REPS1: variants seen among roughly 807,000 people sequenced by gnomAD.
The protein encoded by REPS1 is RALBP1 associated Eps domain containing 1, also known as ralBP1-associated Eps domain-containing protein 1.
A neutral mutation model predicts 100.9 loss-of-function variants in REPS1; 39 were observed. That is an observed-to-expected ratio of 0.39 (90% CI 0.30 to 0.50). The LOEUF is 0.50. Among genes scored for constraint, REPS1 ranks in the 20% least tolerant of loss-of-function variants. The pLI, the probability that REPS1 is intolerant of heterozygous loss-of-function variation, is 0.86. For missense variants in REPS1, 821 were observed against 968.5 expected, an observed-to-expected ratio of 0.85 and a Z score of 2.02; for synonymous variants, 324 against 340.3, an observed-to-expected ratio of 0.95 and a Z score of 0.53.
At chr6:138,987,223 C>G (rs901407794) in intron 1 of REPS1, among the ~76,000 whole-genome samples, 1 of 152,246 alleles carries the variant, frequency 6.6e-6, no homozygotes, top group Non-Finnish European at 1.5e-5. Context: ...CACACATTAA[C>G]AACCTAAGAT....
intron 12 of REPS1, among the ~76,000 whole-genome samples, chr6:138,918,771 G>C (rs1316558374): frequency 6.6e-6 from 1 of 152,120 alleles, no homozygotes; most frequent in African/African-American, 2.4e-5. Context: ...TTTTTCTGCA[G>C]AGGAAACATT....
intron 7 of REPS1, 37 bp downstream of exon 7, chr6:138,943,476 C>T (rs989916250): frequency 1.5e-6 from 2 of 1,324,404 alleles, no homozygotes; most frequent in South Asian, 1.2e-5. Context: ...TCCTTGGAAG[C>T]AACCCAGTTA....
rs541220695 is a variant in REPS1, at chr6:138,912,426, G to A, written c.1971+339C>T. ...TTGGGGAAAAGTTGCAATGAGTGGA[G>A]CTATGGTAACCATGGCCTCTTATGA... On this transcript the variant is annotated intron_variant, in intron 16 of 19. Transcript: ENST00000450536. 6.4e-4 allele frequency among the ~76,000 whole-genome samples: 98 copies of A among 152,300 alleles called. 3 individuals are homozygous for A. In the South Asian group the frequency reaches 0.02, roughly 31 times the overall value.
chr6:138,959,097 T>C (rs1783577757), intron 1 of REPS1, among the ~76,000 whole-genome samples: 1 of 152,202 alleles, frequency 6.6e-6, no homozygotes, highest in Non-Finnish European at 1.5e-5. Flanking sequence ...CTGGTCTTTT[T>C]GCCAGGATAA....
chr6:138,946,391 A>G (rs903572584), intron 2 of REPS1, among the ~76,000 whole-genome samples: 2 of 152,200 alleles, frequency 1.3e-5, no homozygotes, highest in Non-Finnish European at 2.9e-5. Flanking sequence ...TTGCAGGTAA[A>G]TAAGTGATAC....
At chr6:138,970,238 G>A (rs1440418401) in intron 1 of REPS1, among the ~76,000 whole-genome samples, 2 of 152,072 alleles carry the variant, frequency 1.3e-5, no homozygotes, top group Admixed American at 6.6e-5. Context: ...AAGAGAATCT[G>A]AAGGACTTTG....
intron 1 of REPS1, among the ~76,000 whole-genome samples, chr6:138,954,346 A>G (rs563941279): frequency 2.0e-5 from 3 of 152,198 alleles, no homozygotes; most frequent in African/African-American, 7.2e-5. Flanking sequence ...GAAATGATAA[A>G]ATGTTTGAGA....
Position 138,979,197 on chromosome 6 carries a change from AC to A in REPS1, c.153+8332del, listed in dbSNP as rs1180601921. 5.6e-3 allele frequency among the ~76,000 whole-genome samples: 687 copies of A among 121,892 alleles called. 29 individuals carry two copies. Among genetic ancestry groups the A allele is most frequent in the Middle Eastern group, 0.011 (3 of 262 alleles). The allele number at this position is 121,892 out of a possible 152,430, so 80.0% of individuals were successfully genotyped here. ...ATCCATCACAAAAAAAAAAAAAAAA[AC>A]AAAAAAAAAAAACTGAAGAAGTATC... On this transcript the variant is annotated intron_variant, in intron 1 of 19. Coordinates refer to ENST00000450536, the MANE Select transcript of REPS1 (RefSeq NM_001286611.2).
chr6:138,926,558 G>GT, intron 9 of REPS1, 77 bp from the exon 10 acceptor site: 1 of 981,164 alleles, frequency 1.0e-6, no homozygotes, highest in Non-Finnish European at 1.6e-6. Flanking sequence ...ATTTAGCAAA[G>GT]TAATTCAGAG....
At position 138,904,254 on chromosome 6, in the gene REPS1, A is replaced by C. The variant is rs1016883852; in HGVS notation, c.*810T>G. On this transcript the variant is annotated 3_prime_UTR_variant, in exon 20 of 20. Transcript: ENST00000450536. ...AATAGGAAAAACTTGTCTGTATAGC[A>C]AAAGAATGAGTGACAAGATGGCTAA... The C allele has an allele frequency of 2.0e-5, 3 of 152,246 alleles. No individual in the cohort carries two copies. Among genetic ancestry groups the C allele is most frequent in the African/African-American group, 4.8e-5 (2 of 41,474 alleles). The allele number at this position is 152,246 out of a possible 1,614,324, so 9.4% of individuals were successfully genotyped here. A position where few individuals can be genotyped will look rare whatever the true frequency, so the allele number is the denominator to read the frequency against.
intron 13 of REPS1, among the ~76,000 whole-genome samples, chr6:138,916,979 C>T (rs141307735): frequency 3.9e-5 from 6 of 152,316 alleles, no homozygotes; most frequent in East Asian, 3.9e-4. Flanking sequence ...TGCATCCTCG[C>T]TACATCCACT....
chr6:138,971,558 T>A (rs1411922595), intron 1 of REPS1, among the ~76,000 whole-genome samples: 1 of 152,062 alleles, frequency 6.6e-6, no homozygotes, highest in Non-Finnish European at 1.5e-5. Flanking sequence ...TATCAGTTTT[T>A]AAAAAATGTC....
In REPS1 at chr6:138,945,693, C is replaced by T; in HGVS notation, c.282G>A (p.Lys94=). 6.3e-7 allele frequency: 1 copy of T among 1,577,402 alleles called. No homozygotes were observed. The change falls in exon 3 of 20, where the codon AAG becomes AAA. Residue 94 remains lysine, a synonymous_variant. Coordinates refer to ENST00000450536, the MANE Select transcript of REPS1 (RefSeq NM_001286611.2). ...PLRVESINTV[K]DLPLPRFVAS... ...CAACAAATCTTGGCAGAGGAAGGTC[C>T]TTTACTGTTAACCACAAAATAATCA...
Position 138,986,953 on chromosome 6 carries a change from C to T in REPS1, c.153+577G>A, listed in dbSNP as rs552829387. ...TGAAAAACATTGTTCAGTCTCATCA[C>T]ATACACACGTTCTACAGATAATTAC... On this transcript the variant is annotated intron_variant, in intron 1 of 19. Coordinates refer to ENST00000450536, the MANE Select transcript of REPS1 (RefSeq NM_001286611.2). Among the ~76,000 whole-genome samples the T allele has an allele frequency of 9.2e-5, 14 of 152,298 alleles. No individual in the cohort carries two copies. In the South Asian group the frequency reaches 2.5e-3, roughly 27 times the overall value.
chr6:138,960,310 T>C (rs1783655560), intron 1 of REPS1, among the ~76,000 whole-genome samples: 1 of 152,186 alleles, frequency 6.6e-6, no homozygotes, highest in African/African-American at 2.4e-5. Flanking sequence ...TAGGATCCCT[T>C]ATACATGCTT....
At chr6:138,936,720 T>C (rs1371645676) in intron 8 of REPS1, among the ~76,000 whole-genome samples, 1 of 152,014 alleles carries the variant, frequency 6.6e-6, no homozygotes, top group African/African-American at 2.4e-5. Context: ...ACTAAGGGTA[T>C]CTGAATAACG....
chr6:138,910,030 T>C (rs531841946), intron 17 of REPS1, among the ~76,000 whole-genome samples: 16 of 152,274 alleles, frequency 1.1e-4, no homozygotes, highest in Admixed American at 1.0e-3. Flanking sequence ...ATAGTTTAGA[T>C]ATTTGTCCCC....
At position 138,944,612 on chromosome 6, in the gene REPS1, A is replaced by G. The variant is rs1782494318; in HGVS notation, c.639T>C (p.Ala213=). Residue 213 remains alanine (A), a synonymous_variant, in exon 5 of 20, where the codon GCT becomes GCC. Transcript: ENST00000450536. ...AATGCCCTGACCACACTGCATCACC[A>G]GCAGAAGAACCTATAAGGAGAATGG... ...PFGEAQSGSS[A]GDAVWSGHSP... The G allele has an allele frequency of 3.1e-6, 5 of 1,613,608 alleles. No homozygotes were observed. The highest frequency in any genetic ancestry group is 4.2e-6 in the Non-Finnish European group (5 of 1,179,866).
rs575244080 is a variant in REPS1 at position 138,976,151 on chromosome 6, T to C, written c.153+11379A>G. 2.0e-5 allele frequency among the ~76,000 whole-genome samples: 3 copies of C among 152,302 alleles called. No homozygotes were observed. The South Asian group carries it at 6.2e-4, about 32-fold the overall frequency. ...AAACACTTTGAAGTCAAACCTATGA[T>C]CCTTCCAGTCACAAATGAGACACCA... On this transcript the variant is annotated intron_variant, in intron 1 of 19. Coordinates refer to ENST00000450536, the MANE Select transcript of REPS1 (RefSeq NM_001286611.2).
Sources: gnomAD v4.1 joint callset for allele counts (sites outside exome capture counted in the v4.1 genomes callset) on GRCh38, gnomAD v4.1.1 for gene constraint, MANE v1.5 for transcripts, NCBI Gene and HGNC (gene_info 2026-07-23, HGNC 2026-07-21) for gene names.